Variants in CACNG2 observed in about 807,000 individuals in gnomAD.
CACNG2 encodes calcium voltage-gated channel auxiliary subunit gamma 2.
In CACNG2, 3 loss-of-function variants were observed where a neutral mutation model predicts 25.9. The ratio of observed to expected loss-of-function variants is 0.12; its 90% CI spans 0.05 to 0.30. The LOEUF (loss-of-function observed/expected upper bound fraction) is 0.30, where lower values mean the gene tolerates loss of function less well. Ranked by LOEUF, CACNG2 falls within the 10% of genes least tolerant of loss-of-function variation. The pLI is 1.00. For synonymous variants in CACNG2, 167 were observed against 173.3 expected (o/e 0.96, Z 0.29); for missense variants, 341 against 432.5 (o/e 0.79, Z 1.88).
At chr22:36,689,061 A>G (rs1189153332) in intron 1 of CACNG2, among the ~76,000 whole-genome samples, 1 of 152,124 alleles carries the variant, frequency 6.6e-6, no homozygotes, top group Non-Finnish European at 1.5e-5. Context: ...AACCCACTGC[A>G]GAGGGCCTTT....
At chr22:36,611,896 C>T (rs780109952) in intron 1 of CACNG2, among the ~76,000 whole-genome samples, 4 of 152,180 alleles carry the variant, frequency 2.6e-5, no homozygotes, top group Non-Finnish European at 4.4e-5. Context: ...TCAGACTCCA[C>T]GAATTCAGGA....
chr22:36,579,404 CAAAAAAAAAAAAA>C (rs34224180), intron 2 of CACNG2, among the ~76,000 whole-genome samples: 2 of 47,178 alleles, frequency 4.2e-5, no homozygotes, highest in South Asian at 2.3e-3. Context: ...AACTCTGTCT[CAAAAAAAAAAAAA>C]AAAAAAAAAA....
chr22:36,602,183 A>G (rs929340956), intron 1 of CACNG2, among the ~76,000 whole-genome samples: 2 of 152,044 alleles, frequency 1.3e-5, no homozygotes, highest in Non-Finnish European at 2.9e-5. Flanking sequence ...TTTTCTTGCT[A>G]TTGAGTTGTA....
chr22:36,630,143 G>C (rs539068625), intron 1 of CACNG2, among the ~76,000 whole-genome samples: 8 of 152,296 alleles, frequency 5.3e-5, no homozygotes, highest in African/African-American at 1.9e-4. Context: ...AGGTAAGCAG[G>C]AGCCAGATGA....
At chr22:36,688,161 C>T (rs1422064580) in intron 1 of CACNG2, among the ~76,000 whole-genome samples, 1 of 152,058 alleles carries the variant, frequency 6.6e-6, no homozygotes, top group African/African-American at 2.4e-5. Context: ...GGGCCCAGCA[C>T]ACAGGAGACT....
At chr22:36,604,331 T>C (rs954978580) in intron 1 of CACNG2, among the ~76,000 whole-genome samples, 1 of 152,232 alleles carries the variant, frequency 6.6e-6, no homozygotes, top group Non-Finnish European at 1.5e-5. Context: ...AATCTGTTCC[T>C]GTTGAAGATG....
intron 1 of CACNG2, among the ~76,000 whole-genome samples, chr22:36,701,910 G>C (rs1255493869): frequency 2.0e-5 from 3 of 152,104 alleles, no homozygotes. Flanking sequence ...GGTGTGTCTA[G>C]GACTTTTGGG....
In CACNG2 at chr22:36,606,912, A is replaced by T. The variant is rs1935844755; in HGVS notation, c.212-19364T>A. ...GTGTGTGTCTGTGGTGTGTGTATGC[A>T]TGTGTGTGTATATGTGTGTATGTGT... On this transcript the variant is annotated intron_variant, in intron 1 of 3. Coordinates refer to ENST00000300105, the MANE Select transcript of CACNG2 (RefSeq NM_006078.5). This position sits in a 1 kb window ranked among gnomAD's most constrained non-coding sequence, Gnocchi z 5.7. Among the ~76,000 whole-genome samples the T allele has an allele frequency of 6.7e-6, 1 of 150,008 alleles. No homozygotes were observed. Among genetic ancestry groups the T allele is most frequent in the South Asian group, 2.1e-4 (1 of 4,722 alleles).
intron 1 of CACNG2, among the ~76,000 whole-genome samples, chr22:36,634,697 A>G (rs1218348964): frequency 6.6e-6 from 1 of 152,246 alleles, no homozygotes; most frequent in African/African-American, 2.4e-5. Context: ...GTTATCTGCA[A>G]TAATCATTAC....
chr22:36,638,957 T>C (rs1452120796), intron 1 of CACNG2, among the ~76,000 whole-genome samples: 1 of 152,222 alleles, frequency 6.6e-6, no homozygotes, highest in African/African-American at 2.4e-5. Context: ...GTCATTCCCA[T>C]CAATATTTAC....
chr22:36,623,022 T>A (rs1329382327), intron 1 of CACNG2, among the ~76,000 whole-genome samples: 1 of 139,236 alleles, frequency 7.2e-6, no homozygotes, highest in Non-Finnish European at 1.6e-5. Context: ...GTTTTTTTTT[T>A]TTTTTTTTTT....
At chr22:36,673,747 A>T (rs1020327369) in intron 1 of CACNG2, among the ~76,000 whole-genome samples, 3 of 152,142 alleles carry the variant, frequency 2.0e-5, no homozygotes, top group African/African-American at 7.2e-5. Context: ...CTGCCTTGAT[A>T]TGAGGCCCTC....
chr22:36,621,569 CA>C (rs386395348), intron 1 of CACNG2, among the ~76,000 whole-genome samples: 267 of 118,642 alleles, frequency 2.3e-3, no homozygotes, highest in East Asian at 2.6e-3. Flanking sequence ...GATTTTGCCT[CA>C]AAAAAAAAAA....
intron 1 of CACNG2, among the ~76,000 whole-genome samples, chr22:36,675,925 G>T (rs994410450): frequency 3.3e-5 from 5 of 152,248 alleles, no homozygotes; most frequent in African/African-American, 1.2e-4. Context: ...AGCCCTGTCT[G>T]TGCTAAGGTA....
intron 1 of CACNG2, among the ~76,000 whole-genome samples, chr22:36,681,180 C>A (rs1178036873): frequency 6.6e-6 from 1 of 152,064 alleles, no homozygotes; most frequent in Non-Finnish European, 1.5e-5. Flanking sequence ...CATGGCTCTT[C>A]CCTTTTAGTT....
At position 36,564,385 on chromosome 22, in the gene CACNG2, G is replaced by C; in HGVS notation, c.938C>G (p.Ser313Cys). The change falls in exon 4 of 4, where the codon TCC (serine) becomes TGC (cysteine). Residue 313 changes from serine (S) to cysteine (C), a missense_variant. This residue lies in a region of CACNG2 where 172 missense variants were observed against 178.1 expected (regional missense o/e 0.97). Coordinates refer to ENST00000300105, the MANE Select transcript of CACNG2 (RefSeq NM_006078.5). The surrounding 1 kb of genome is among the most constrained non-coding windows in gnomAD (Gnocchi z 6.7). ...GGTGGTCCGGCGGTTGGCTGTGTTG[G>C]AGTGGAGAGAGTCCTTGTTCTCCTT... ...IQKENKDSLH[S>C]NTANRRTTPV 6.2e-7 allele frequency: 1 copy of C among 1,614,054 alleles called. No homozygotes were observed. The highest frequency in any genetic ancestry group is 8.5e-7 in the Non-Finnish European group (1 of 1,179,958).
intron 1 of CACNG2, among the ~76,000 whole-genome samples, chr22:36,698,505 G>A (rs1044674848): frequency 3.9e-5 from 6 of 152,142 alleles, no homozygotes; most frequent in African/African-American, 9.7e-5. Context: ...GAGAGCCATG[G>A]CTGAGCCGAG....
intron 1 of CACNG2, among the ~76,000 whole-genome samples, chr22:36,688,263 G>A (rs1285412608): frequency 6.6e-6 from 1 of 152,078 alleles, no homozygotes. Flanking sequence ...GCTGAAATGG[G>A]CTGGGTGCAG....
chr22:36,673,739 G>C (rs1368900891), intron 1 of CACNG2, among the ~76,000 whole-genome samples: 1 of 152,136 alleles, frequency 6.6e-6, no homozygotes, highest in African/African-American at 2.4e-5. Flanking sequence ...AGAGGTTCCT[G>C]CCTTGATATG....
Sources: gnomAD v4.1 joint callset for allele counts (sites outside exome capture counted in the v4.1 genomes callset) on GRCh38, gnomAD v4.1.1 for gene constraint, gnomAD v4.1.1 regional missense constraint, Gnocchi (gnomAD v3.1) non-coding constraint, MANE v1.5 for transcripts, NCBI Gene and HGNC (gene_info 2026-07-23, HGNC 2026-07-21) for gene names.